WDR70: variants seen among roughly 807,000 people sequenced by gnomAD.
The protein encoded by WDR70 is WD repeat-containing protein 70.
A neutral mutation model predicts 88.6 loss-of-function variants in WDR70; 53 were observed. The ratio of observed to expected loss-of-function variants is 0.60; its 90% CI spans 0.48 to 0.75. The LOEUF is 0.75. Among genes scored for constraint, WDR70 ranks in the 30% least tolerant of loss-of-function variants. WDR70 has a pLI of 0.00. For missense variants in WDR70, 610 were observed against 823.2 expected (o/e 0.74, Z 3.17); for synonymous variants, 280 against 270.0 (o/e 1.04, Z -0.36).
chr5:37,435,779 C>G (rs1750448301), intron 5 of WDR70, among the ~76,000 whole-genome samples: 1 of 152,040 alleles, frequency 6.6e-6, no homozygotes, highest in Non-Finnish European at 1.5e-5. Context: ...GATCATTACT[C>G]TAAAATTTGA....
chr5:37,496,885 A>C (rs1740233176), intron 8 of WDR70, among the ~76,000 whole-genome samples: 1 of 152,182 alleles, frequency 6.6e-6, no homozygotes. Context: ...GACTAGGCAG[A>C]GATGTCAGTG....
chr5:37,713,791 A>G (rs1195639531), intron 13 of WDR70, among the ~76,000 whole-genome samples: 2 of 152,224 alleles, frequency 1.3e-5, no homozygotes, highest in East Asian at 3.8e-4. Context: ...CTAGCACCGT[A>G]TCACATCCCA....
chr5:37,547,155 T>C (rs1561896733), intron 9 of WDR70, among the ~76,000 whole-genome samples: 2 of 152,154 alleles, frequency 1.3e-5, no homozygotes, highest in Non-Finnish European at 2.9e-5. Flanking sequence ...GATGCACCAG[T>C]ATTCTTGTGT....
At chr5:37,452,431 A>T (rs540802660) in intron 7 of WDR70, among the ~76,000 whole-genome samples, 1 of 152,028 alleles carries the variant, frequency 6.6e-6, no homozygotes, top group African/African-American at 2.4e-5. Context: ...ATGCCCAGCT[A>T]ATTTTTGTAT....
intron 6 of WDR70, among the ~76,000 whole-genome samples, chr5:37,439,625 CTTTT>C (rs34032020): frequency 3.9e-5 from 5 of 128,986 alleles, no homozygotes; most frequent in Admixed American, 7.8e-5. Context: ...TGGCTTAACT[CTTTT>C]TTTTTTTTTT....
intron 10 of WDR70, among the ~76,000 whole-genome samples, chr5:37,632,842 C>G (rs1486529857): frequency 6.6e-6 from 1 of 152,170 alleles, no homozygotes; most frequent in Non-Finnish European, 1.5e-5. Context: ...TTCACATTCA[C>G]TAACTACTCA....
intron 7 of WDR70, among the ~76,000 whole-genome samples, chr5:37,478,654 A>G (rs578016155): frequency 1.3e-5 from 2 of 152,238 alleles, no homozygotes; most frequent in Non-Finnish European, 2.9e-5. Flanking sequence ...ATCTGAAGCT[A>G]AAATAACCCC....
intron 7 of WDR70, among the ~76,000 whole-genome samples, chr5:37,477,847 C>T (rs1739534955): frequency 6.6e-6 from 1 of 152,178 alleles, no homozygotes; most frequent in Non-Finnish European, 1.5e-5. Flanking sequence ...TGTGCTACTT[C>T]TTGCTCACCT....
chr5:37,699,571 A>G (rs1747091700), intron 11 of WDR70, among the ~76,000 whole-genome samples: 1 of 152,124 alleles, frequency 6.6e-6, no homozygotes, highest in Admixed American at 6.5e-5. Flanking sequence ...CTAGCTGCAT[A>G]ACCCGCTGGA....
intron 8 of WDR70, among the ~76,000 whole-genome samples, chr5:37,501,494 G>A (rs13436037): frequency 0.019 from 2,962 of 152,196 alleles, 88 homozygotes; most frequent in African/African-American, 0.067. Flanking sequence ...CATGGTAGCT[G>A]ATGAGCTTAA....
chr5:37,491,167 T>C (rs984218185), intron 8 of WDR70, among the ~76,000 whole-genome samples: 2 of 152,112 alleles, frequency 1.3e-5, no homozygotes, highest in African/African-American at 4.8e-5. Flanking sequence ...TTTACTCACC[T>C]TTTCCCCACA....
At chr5:37,575,298 G>T (rs1743020696) in intron 9 of WDR70, among the ~76,000 whole-genome samples, 2 of 152,222 alleles carry the variant, frequency 1.3e-5, no homozygotes, top group South Asian at 4.1e-4. Context: ...ATTTTTCTGG[G>T]TGATGGGATG....
chr5:37,599,581 G>A (rs542193227), intron 9 of WDR70, among the ~76,000 whole-genome samples: 1 of 152,240 alleles, frequency 6.6e-6, no homozygotes, highest in South Asian at 2.1e-4. Flanking sequence ...GGGATAACTG[G>A]TTATCCATAT....
At chr5:37,394,842 AT>A (rs1406936850) in intron 4 of WDR70, among the ~76,000 whole-genome samples, 3 of 152,202 alleles carry the variant, frequency 2.0e-5, no homozygotes, top group African/African-American at 7.2e-5. Flanking sequence ...AGTGGCTCAA[AT>A]GTAGAAACTC....
chr5:37,701,948 G>A (rs1247795838), intron 12 of WDR70, among the ~76,000 whole-genome samples: 1 of 152,108 alleles, frequency 6.6e-6, no homozygotes, highest in East Asian at 1.9e-4. Context: ...GTAGCTGAAC[G>A]CTGTTATCTC....
At chr5:37,670,737 C>A (rs919094892) in intron 10 of WDR70, among the ~76,000 whole-genome samples, 2 of 152,200 alleles carry the variant, frequency 1.3e-5, no homozygotes, top group African/African-American at 4.8e-5. Flanking sequence ...TTATACCATA[C>A]TTTCATATAG....
At chr5:37,751,613 C>T (rs1364827569) in intron 17 of WDR70, among the ~76,000 whole-genome samples, 1 of 152,164 alleles carries the variant, frequency 6.6e-6, no homozygotes, top group Admixed American at 6.5e-5. Flanking sequence ...TCTGGAATTA[C>T]GTGGATATAA....
At chr5:37,585,236 C>T (rs777665855) in intron 9 of WDR70, among the ~76,000 whole-genome samples, 3 of 152,158 alleles carry the variant, frequency 2.0e-5, no homozygotes, top group South Asian at 2.1e-4. Flanking sequence ...GTGATCCTCC[C>T]GCCTCAGCCT....
chr5:37,505,511 T>C (rs747844363), intron 8 of WDR70, among the ~76,000 whole-genome samples: 1 of 152,160 alleles, frequency 6.6e-6, no homozygotes, highest in Non-Finnish European at 1.5e-5. Context: ...AATCAGAATA[T>C]GGAAAAAAAG....
Sources: gnomAD v4.1 joint callset for allele counts (sites outside exome capture counted in the v4.1 genomes callset) on GRCh38, gnomAD v4.1.1 for gene constraint, MANE v1.5 for transcripts, NCBI Gene and HGNC (gene_info 2026-07-23, HGNC 2026-07-21) for gene names.